TENM2: variants seen among roughly 807,000 people sequenced by gnomAD.
TENM2 encodes the protein teneurin transmembrane protein 2.
Under a neutral mutation model 245.2 loss-of-function variants are expected in TENM2, and 52 were observed. The observed-to-expected ratio is 0.21, with a 90% CI of 0.17 to 0.27. The LOEUF (loss-of-function observed/expected upper bound fraction) is 0.27, where lower values mean the gene tolerates loss of function less well. Ranked by LOEUF, TENM2 falls within the 10% of genes least tolerant of loss-of-function variation. The probability of loss-of-function intolerance (pLI) is 1.00; values close to 1 mark genes in which losing one functional copy is unlikely to be tolerated. For missense variants in TENM2, 3,046 were observed against 3,666.8 expected, an observed-to-expected ratio of 0.83 and a Z score of 4.37; for synonymous variants, 1,363 against 1,438.9, an observed-to-expected ratio of 0.95 and a Z score of 1.19.
At chr5:167,002,541 G>A in the TENM2 span, among the ~76,000 whole-genome samples, 2 of 151,906 alleles carry the variant, frequency 1.3e-5, no homozygotes, top group Non-Finnish European at 2.9e-5. Flanking sequence ...GTGGTAGCTT[G>A]TGCCTGTAAT....
At chr5:167,455,597 G>T (rs1017229329) in intron 2 of TENM2, among the ~76,000 whole-genome samples, 1 of 151,812 alleles carries the variant, frequency 6.6e-6, no homozygotes, top group African/African-American at 2.4e-5. Flanking sequence ...TAATTTGTCA[G>T]TACATTAATT....
At chr5:167,019,316 A>C in the TENM2 span, among the ~76,000 whole-genome samples, 1 of 152,138 alleles carries the variant, frequency 6.6e-6, no homozygotes, top group African/African-American at 2.4e-5. Flanking sequence ...ATGATTGGCA[A>C]GCCATTTGGT....
At chr5:167,704,292 C>A (rs1181230599) in intron 2 of TENM2, among the ~76,000 whole-genome samples, 2 of 152,158 alleles carry the variant, frequency 1.3e-5, no homozygotes, top group Admixed American at 6.5e-5. Flanking sequence ...TTTGTCAATA[C>A]AGATAATTCC....
intron 2 of TENM2, among the ~76,000 whole-genome samples, chr5:167,405,437 G>T (rs544656868): frequency 2.6e-5 from 4 of 151,888 alleles, no homozygotes; most frequent in African/African-American, 7.3e-5. Context: ...TTGCCCCTTG[G>T]CCCAATGTGA....
chr5:167,268,236 G>A, the TENM2 span, among the ~76,000 whole-genome samples: 1 of 152,182 alleles, frequency 6.6e-6, no homozygotes, highest in Non-Finnish European at 1.5e-5. Context: ...CAGAAATAAT[G>A]GACAAAATAA....
rs1036176559 is a variant in TENM2, at chr5:167,857,239, T to C, written c.503-18747T>C. Among the ~76,000 whole-genome samples, 9 of 152,326 alleles carry C rather than the reference T, an allele frequency of 5.9e-5. No individual in the cohort carries two copies. In the East Asian group the frequency reaches 7.7e-4, roughly 13 times the overall value. Reference sequence around the variant, plus strand: ...TTTATCAAGCTGAATGTGGCTCTTTTTCGTAGCCAAATTCAGCTTGAATTT... The same window carrying C: ...TTTATCAAGCTGAATGTGGCTCTTTCTCGTAGCCAAATTCAGCTTGAATTT... On this transcript the variant is annotated intron_variant, in intron 2 of 28. Coordinates refer to ENST00000518659, the Ensembl canonical transcript of TENM2.
chr5:167,185,170 C>A, the TENM2 span, among the ~76,000 whole-genome samples: 1 of 152,062 alleles, frequency 6.6e-6, no homozygotes, highest in African/African-American at 2.4e-5. Flanking sequence ...TCTGGAGAAC[C>A]CCGACAAATA....
intron 16 of TENM2, among the ~76,000 whole-genome samples, chr5:168,199,486 G>C (rs1259366583): frequency 2.6e-5 from 4 of 152,186 alleles, no homozygotes. Flanking sequence ...CCTCCCTGTT[G>C]CTTTATACGG....
chr5:168,140,607 TACA>T (rs1755458425), intron 12 of TENM2, among the ~76,000 whole-genome samples: 1 of 152,220 alleles, frequency 6.6e-6, no homozygotes, highest in Non-Finnish European at 1.5e-5. Flanking sequence ...CTGCATCCAT[TACA>T]ACGTGTCTCT....
At chr5:167,222,727 G>A in the TENM2 span, among the ~76,000 whole-genome samples, 1 of 152,078 alleles carries the variant, frequency 6.6e-6, no homozygotes, top group South Asian at 2.1e-4. Flanking sequence ...ATCCCAGTTC[G>A]CAAAGATGAC....
At chr5:167,166,546 A>T in the TENM2 span, among the ~76,000 whole-genome samples, 1 of 152,064 alleles carries the variant, frequency 6.6e-6, no homozygotes, top group African/African-American at 2.4e-5. Context: ...TATGGAAGGG[A>T]GGTTTATTAT....
rs545523729 is a variant in TENM2 at position 168,014,859 on chromosome 5, T to C, written c.1186+21677T>C. Among the ~76,000 whole-genome samples, 10 of 152,224 alleles carry C rather than the reference T, an allele frequency of 6.6e-5. No individual in the cohort carries two copies. In the South Asian group the frequency reaches 1.9e-3, roughly 28 times the overall value. On this transcript the variant is annotated intron_variant, in intron 5 of 28. Transcript: ENST00000518659. ...AGCCCCAGAGATGAAGAAGGGCTCT[T>C]GGGGAGCATAATGGCGCCATTTCCA...
Position 168,185,303 on chromosome 5 carries a change from G to A in TENM2, c.2570-5034G>A, listed in dbSNP as rs963601265. On this transcript the variant is annotated intron_variant, in intron 13 of 28. Transcript: ENST00000518659. ...GGATATCCACCTTCTCCAAGCCTCA[G>A]TTGCATCCTCTATAGGTGGGTATAG... is the stretch of plus-strand genomic sequence containing the variant. 2.6e-5 allele frequency: 4 copies of A among 152,290 alleles called. No homozygotes were observed. The East Asian group carries it at 7.7e-4, about 29-fold the overall frequency. 9.4% of individuals were successfully genotyped at this position (152,290 alleles called of 1,614,324 possible).
At chr5:167,250,815 T>C in the TENM2 span, among the ~76,000 whole-genome samples, 1 of 152,188 alleles carries the variant, frequency 6.6e-6, no homozygotes, top group South Asian at 2.1e-4. Context: ...AGAATGCTGC[T>C]AAGTGAATAG....
At chr5:168,125,104 A>G in intron 11 of TENM2, 54 bp downstream of exon 13, 1 of 1,480,740 alleles carries the variant, frequency 6.8e-7, no homozygotes, top group Non-Finnish European at 9.2e-7. Context: ...CCTGTGTTCC[A>G]TCCCATTCTC....
At chr5:167,500,622 A>G (rs1202235483) in intron 2 of TENM2, among the ~76,000 whole-genome samples, 3 of 152,134 alleles carry the variant, frequency 2.0e-5, no homozygotes, top group Admixed American at 1.3e-4. Flanking sequence ...CCTTATTTTC[A>G]TCTCTATCAC....
the TENM2 span, among the ~76,000 whole-genome samples, chr5:167,175,923 T>C: frequency 6.6e-6 from 1 of 152,178 alleles, no homozygotes; most frequent in Non-Finnish European, 1.5e-5. Flanking sequence ...TTGGCGAGGT[T>C]GGTCTTGAAC....
the TENM2 span, among the ~76,000 whole-genome samples, chr5:167,129,495 C>T: frequency 2.0e-5 from 3 of 152,054 alleles, no homozygotes; most frequent in East Asian, 5.8e-4. Context: ...AGGAAGGGAC[C>T]CTCCAAATTG....
At chr5:167,818,283 G>A (rs1350904372) in intron 2 of TENM2, among the ~76,000 whole-genome samples, 1 of 152,172 alleles carries the variant, frequency 6.6e-6, no homozygotes, top group Non-Finnish European at 1.5e-5. Context: ...TGACAGTGAT[G>A]ACTACGGTGC....
Sources: allele counts gnomAD v4.1 joint callset (sites outside exome capture counted in the v4.1 genomes callset), GRCh38; gene constraint gnomAD v4.1.1; transcripts MANE v1.5; gene names NCBI Gene and HGNC (gene_info 2026-07-23, HGNC 2026-07-21).